LOXHD1: variants seen among roughly 807,000 people sequenced by gnomAD.
LOXHD1 encodes the protein lipoxygenase homology PLAT domains 1.
In LOXHD1, 205 loss-of-function variants were observed where a neutral mutation model predicts 248.2. The observed-to-expected ratio is 0.83, with a 90% CI of 0.74 to 0.93. The LOEUF (loss-of-function observed/expected upper bound fraction) is 0.93, where lower values mean the gene tolerates loss of function less well. Ranked by LOEUF, LOXHD1 falls within the 40% of genes least tolerant of loss-of-function variation. The probability of loss-of-function intolerance (pLI) is 0.00; values close to 1 mark genes in which losing one functional copy is unlikely to be tolerated. For synonymous variants in LOXHD1, 1,113 were observed against 1,162.8 expected (o/e 0.96, Z 0.87); for missense variants, 2,930 against 2,971.6 (o/e 0.99, Z 0.33).
chr18:46,620,880 G>A (rs768390895), intron 4 of LOXHD1, among the ~76,000 whole-genome samples: 1 of 152,194 alleles, frequency 6.6e-6, no homozygotes, highest in Non-Finnish European at 1.5e-5. Flanking sequence ...TGGGCAGCAC[G>A]AACGCACACG....
chr18:46,501,778 T>C (rs781005956), intron 37 of LOXHD1, among the ~76,000 whole-genome samples: 36 of 152,170 alleles, frequency 2.4e-4, no homozygotes, highest in Admixed American at 3.3e-4. Flanking sequence ...GAGCCAGCTG[T>C]AATTGATTTG....
At position 46,505,821 on chromosome 18, in the gene LOXHD1, C is replaced by T. The variant is rs1007436959; in HGVS notation, c.5878+17G>A. ...GAGGGCTGCCCTCCCACCAACCTGG[C>T]CTTGAGTGGGAGCTACCTTTGTTGT... is the stretch of plus-strand genomic sequence containing the variant. On this transcript the variant is annotated intron_variant, in intron 37 of 40. Transcript: ENST00000642948. The T allele has an allele frequency of 1.1e-5, 17 of 1,551,346 alleles. No homozygotes were observed. The African/African-American group carries it at 1.9e-4, about 17-fold the overall frequency.
intron 23 of LOXHD1, 105 bp downstream of exon 23, chr18:46,545,212 A>T: frequency 1.2e-6 from 1 of 820,074 alleles, no homozygotes; most frequent in Admixed American, 2.1e-5. Flanking sequence ...CATCCTATTG[A>T]GAGACAAAAG....
At chr18:46,479,849 G>T (rs895505743) in intron 40 of LOXHD1, among the ~76,000 whole-genome samples, 19 of 151,242 alleles carry the variant, frequency 1.3e-4, no homozygotes, top group African/African-American at 4.1e-4. Flanking sequence ...AATCTCATTA[G>T]CTCCCACAAC....
In LOXHD1 at chr18:46,494,849, C is replaced by CTTTTTTTTTT. The variant is rs58016824; in HGVS notation, c.5879-5717_5879-5708dup. Among the ~76,000 whole-genome samples the CTTTTTTTTTT allele has an allele frequency of 7.7e-4, 74 of 96,550 alleles. 2 individuals are homozygous for CTTTTTTTTTT. The highest frequency in any genetic ancestry group is 1.7e-3 in the African/African-American group (43 of 26,028). 63.3% of individuals were successfully genotyped at this position (96,550 alleles called of 152,430 possible). A position where few individuals can be genotyped will look rare whatever the true frequency, so the allele number is the denominator to read the frequency against. On this transcript the variant is annotated intron_variant, in intron 37 of 40. Coordinates refer to ENST00000642948, the MANE Select transcript of LOXHD1 (RefSeq NM_001384474.1). ...TTTTCTTTCTCCTTTTTCTCTCTCT[C>CTTTTTTTTTT]TTTTTTTTTTTTTTTTTTTTTTGAG... is the stretch of plus-strand genomic sequence containing the variant.
chr18:46,583,355 C>T (rs1156819000), intron 12 of LOXHD1, among the ~76,000 whole-genome samples: 1 of 152,008 alleles, frequency 6.6e-6, no homozygotes. Flanking sequence ...AACTTTTGCA[C>T]AGCAAAGACA....
intron 22 of LOXHD1, 132 bp from the exon 23 acceptor site, chr18:46,545,553 T>C (rs1006584795): frequency 3.0e-6 from 2 of 675,704 alleles, no homozygotes; most frequent in Admixed American, 2.1e-5. Flanking sequence ...AATTTTTCTC[T>C]TGCCCCTTCA....
At chr18:46,563,797 G>C (rs983809787) in intron 17 of LOXHD1, among the ~76,000 whole-genome samples, 4 of 152,154 alleles carry the variant, frequency 2.6e-5, no homozygotes, top group Non-Finnish European at 1.5e-5. Context: ...TATAAGAAAA[G>C]GAAATTGTGG....
intron 38 of LOXHD1, among the ~76,000 whole-genome samples, chr18:46,487,994 G>A (rs190955112): frequency 7.2e-5 from 11 of 152,334 alleles, no homozygotes; most frequent in African/African-American, 2.6e-4. Flanking sequence ...AAGGAGGGAT[G>A]CTTCAATAAC....
intron 34 of LOXHD1, among the ~76,000 whole-genome samples, chr18:46,511,096 G>T (rs758084676): frequency 2.6e-5 from 4 of 152,218 alleles, no homozygotes; most frequent in Non-Finnish European, 2.9e-5. Context: ...GGTGGGACAG[G>T]TGTAAGGAAA....
At chr18:46,635,739 C>G (rs948927022) in intron 4 of LOXHD1, among the ~76,000 whole-genome samples, 8 of 152,148 alleles carry the variant, frequency 5.3e-5, no homozygotes, top group African/African-American at 1.9e-4. Flanking sequence ...ATAGTAATAT[C>G]AACTTTCTTA....
At position 46,562,024 on chromosome 18, in the gene LOXHD1, T is replaced by A. The variant is rs765917228; in HGVS notation, c.2598+1041A>T. On this transcript the variant is annotated intron_variant, in intron 18 of 40. Coordinates refer to ENST00000642948, the MANE Select transcript of LOXHD1 (RefSeq NM_001384474.1). ...TCCATCTCCATAACTGGGCACTCCATCCCAAGTGCATTCCCTGACATTGAC... is the reference window on the plus strand; with the variant it reads ...TCCATCTCCATAACTGGGCACTCCAACCCAAGTGCATTCCCTGACATTGAC... Among the ~76,000 whole-genome samples, 23 of 152,210 alleles carry A rather than the reference T, an allele frequency of 1.5e-4. 1 individual carries two copies. The highest frequency in any genetic ancestry group is 2.6e-4 in the Non-Finnish European group (18 of 68,032).
At chr18:46,595,522 G>A (rs1325249211) in intron 8 of LOXHD1, among the ~76,000 whole-genome samples, 2 of 152,230 alleles carry the variant, frequency 1.3e-5, no homozygotes, top group African/African-American at 2.4e-5. Flanking sequence ...AAGTGCCCAA[G>A]TTAGCACCTT....
rs1599007652 is a variant in LOXHD1 at position 46,563,117 on chromosome 18, A to G, written c.2546T>C (p.Phe849Ser). ...YGEKGKTEVL[F>S]LSSRSKVFER... ...AAAAACTTTTGAGCGGCTGGAGAGGAAGAGCACTTCTGTCTTGCCTTTCTC... is the reference window on the plus strand; with the variant it reads ...AAAAACTTTTGAGCGGCTGGAGAGGGAGAGCACTTCTGTCTTGCCTTTCTC... The change falls in exon 18 of 41, where the codon TTC becomes TCC. Residue 849 changes from phenylalanine (F) to serine (S), a missense_variant. By Grantham distance (155) the Phe-to-Ser change is radical. Coordinates refer to ENST00000642948, the MANE Select transcript of LOXHD1 (RefSeq NM_001384474.1). The G allele has an allele frequency of 6.5e-7, 1 of 1,546,492 alleles. No individual in the cohort carries two copies. The highest frequency in any genetic ancestry group is 1.4e-5 in the African/African-American group (1 of 73,088).
chr18:46,572,991 C>G (rs1027816760), intron 14 of LOXHD1, among the ~76,000 whole-genome samples: 10 of 136,284 alleles, frequency 7.3e-5, no homozygotes, highest in African/African-American at 2.4e-4. Context: ...CCACTGCACT[C>G]CAGCCTGGGC....
intron 4 of LOXHD1, among the ~76,000 whole-genome samples, chr18:46,636,822 T>C (rs933378862): frequency 2.6e-5 from 4 of 152,168 alleles, no homozygotes; most frequent in African/African-American, 9.7e-5. Context: ...AGCAAAGAAA[T>C]TTAACTTTTT....
At chr18:46,561,214 GC>G (rs764902838) in intron 18 of LOXHD1, among the ~76,000 whole-genome samples, 79 of 152,250 alleles carry the variant, frequency 5.2e-4, no homozygotes, top group Non-Finnish European at 1.0e-3. Flanking sequence ...TAGCTGTGGT[GC>G]CGGTTTGGCC....
rs763847381 is a variant in LOXHD1, at chr18:46,533,155, C to T, written c.4375+7G>A. The T allele has an allele frequency of 2.3e-5, 35 of 1,551,506 alleles. No individual in the cohort carries two copies. The highest frequency in any genetic ancestry group is 3.0e-5 in the Non-Finnish European group (34 of 1,146,960). ...CATGGTGATGAGGGTGGCCACACCA[C>T]ACTTACTGTCCAGAGGCTCTTCTAC... On this transcript the variant is annotated splice_region_variant and intron_variant, in intron 28 of 40. Transcript: ENST00000642948.
intron 8 of LOXHD1, among the ~76,000 whole-genome samples, chr18:46,596,560 T>C (rs1419377957): frequency 6.6e-6 from 1 of 152,202 alleles, no homozygotes; most frequent in Non-Finnish European, 1.5e-5. Flanking sequence ...GGACTGCTCC[T>C]TTAGACAAAA....
Sources: allele counts gnomAD v4.1 joint callset (sites outside exome capture counted in the v4.1 genomes callset), GRCh38; gene constraint gnomAD v4.1.1; transcripts MANE v1.5; gene names NCBI Gene and HGNC (gene_info 2026-07-23, HGNC 2026-07-21).